The following DLGAP2 variants were observed in gnomAD, a reference collection of about 807,000 sequenced individuals.
The protein encoded by DLGAP2 is disks large-associated protein 2.
In DLGAP2, 26 loss-of-function variants were observed where a neutral mutation model predicts 100.3. That is an observed-to-expected ratio of 0.26 (90% CI 0.19 to 0.36). The LOEUF (loss-of-function observed/expected upper bound fraction) is 0.36. DLGAP2 is among the 10% of genes least tolerant of loss of function. DLGAP2 has a pLI of 1.00. For synonymous variants in DLGAP2, 886 were observed against 630.1 expected (o/e 1.41, Z -6.08); for missense variants, 1,858 against 1,453.2 (o/e 1.28, Z -4.53).
chr8:1,694,252 G>T (rs1017497850), intron 13 of DLGAP2, among the ~76,000 whole-genome samples: 1 of 152,180 alleles, frequency 6.6e-6, no homozygotes, highest in Non-Finnish European at 1.5e-5. Flanking sequence ...CCTGAGACAG[G>T]CCTGGCAGGA....
intron 8 of DLGAP2, among the ~76,000 whole-genome samples, chr8:1,663,944 A>T (rs922915105): frequency 1.3e-5 from 2 of 152,158 alleles, no homozygotes; most frequent in Non-Finnish European, 2.9e-5. Flanking sequence ...CAGAGCACTA[A>T]TGTGACCAGT....
intron 2 of DLGAP2, among the ~76,000 whole-genome samples, chr8:1,254,992 GTC>G (rs1216938287): frequency 1.9e-4 from 24 of 129,514 alleles, no homozygotes; most frequent in African/African-American, 7.2e-4. Context: ...CTGTGTGTGT[GTC>G]CTCTCATCCT....
At chr8:1,639,548 C>A (rs939043798) in intron 8 of DLGAP2, among the ~76,000 whole-genome samples, 2 of 152,220 alleles carry the variant, frequency 1.3e-5, no homozygotes, top group African/African-American at 2.4e-5. Flanking sequence ...TGTGGGTCCT[C>A]CCAGAGACGG....
At chr8:759,978 T>C (rs947491628) in intron 1 of DLGAP2, among the ~76,000 whole-genome samples, 1 of 152,194 alleles carries the variant, frequency 6.6e-6, no homozygotes, top group African/African-American at 2.4e-5. Flanking sequence ...ATTGTCAGGG[T>C]TGAGACCATT....
chr8:1,365,805 C>G (rs1205940274), intron 3 of DLGAP2, among the ~76,000 whole-genome samples: 1 of 152,226 alleles, frequency 6.6e-6, no homozygotes, highest in East Asian at 1.9e-4. Context: ...AGAGCTGTGC[C>G]ATGTCTCATG....
chr8:1,430,716 T>C (rs1020395149), intron 3 of DLGAP2, among the ~76,000 whole-genome samples: 5 of 152,364 alleles, frequency 3.3e-5, no homozygotes, highest in South Asian at 4.1e-4. Flanking sequence ...TTCTTTTCTA[T>C]CACAGTTTTC....
At chr8:1,372,553 A>C (rs1311611058) in intron 3 of DLGAP2, among the ~76,000 whole-genome samples, 1 of 151,988 alleles carries the variant, frequency 6.6e-6, no homozygotes, top group South Asian at 2.1e-4. Flanking sequence ...GGGTTTTAGG[A>C]GCATCACTGG....
At chr8:1,267,604 AAG>A (rs1491448906) in intron 3 of DLGAP2, among the ~76,000 whole-genome samples, 3 of 76,252 alleles carry the variant, frequency 3.9e-5, no homozygotes, top group African/African-American at 1.8e-4. Context: ...AAGATAAGAT[AAG>A]ATAAGATAAG....
At position 1,704,513 on chromosome 8, in the gene DLGAP2, GTGT is replaced by G. The variant is rs1215153493; in HGVS notation, c.*3114_*3116del. ...TGTGATGCGTCTCTCGCATCTTCAC[GTGT>G]TGTTGTGTTTGAAGTAAAACTAGTT... On this transcript the variant is annotated 3_prime_UTR_variant, in exon 15 of 15. Coordinates refer to ENST00000637795, the MANE Select transcript of DLGAP2 (RefSeq NM_001346810.2). The G allele has an allele frequency of 3.3e-5, 5 of 152,208 alleles. No homozygotes were observed. Among genetic ancestry groups the G allele is most frequent in the Admixed American group, 2.6e-4 (4 of 15,284 alleles). 9.4% of individuals were successfully genotyped at this position (152,208 alleles called of 1,614,324 possible).
chr8:1,314,926 G>C (rs571980651), intron 3 of DLGAP2, among the ~76,000 whole-genome samples: 1 of 152,168 alleles, frequency 6.6e-6, no homozygotes. Context: ...GCTCCCATGT[G>C]CCCTACCGGG....
intron 2 of DLGAP2, among the ~76,000 whole-genome samples, chr8:1,252,774 T>C (rs73670696): frequency 0.12 from 18,871 of 152,304 alleles, 3,175 homozygotes; most frequent in African/African-American, 0.38. Flanking sequence ...CGGCCGGATG[T>C]GGTGCCTCCA....
At chr8:1,680,446 A>C (rs879783151) in intron 12 of DLGAP2, 2 of 152,258 alleles carry the variant, frequency 1.3e-5, no homozygotes, top group Non-Finnish European at 2.9e-5. Context: ...GTTAAAACTT[A>C]AGGTCTGAAC....
chr8:913,780 A>G (rs536648249), intron 2 of DLGAP2, among the ~76,000 whole-genome samples: 2 of 152,256 alleles, frequency 1.3e-5, no homozygotes, highest in African/African-American at 2.4e-5. Context: ...ATGTGATACT[A>G]TATGACCCTG....
intron 3 of DLGAP2, among the ~76,000 whole-genome samples, chr8:1,460,677 G>A (rs1798448405): frequency 1.3e-5 from 2 of 152,126 alleles, no homozygotes; most frequent in Admixed American, 1.3e-4. Flanking sequence ...ATTAGATGGG[G>A]GTAACATTTT....
intron 2 of DLGAP2, among the ~76,000 whole-genome samples, chr8:1,163,292 G>A (rs1563223307): frequency 6.6e-6 from 1 of 152,196 alleles, no homozygotes; most frequent in East Asian, 1.9e-4. Context: ...ACTCCCAGAC[G>A]GGACCACGCG....
At chr8:1,200,802 G>C (rs985541885) in intron 2 of DLGAP2, among the ~76,000 whole-genome samples, 1 of 152,214 alleles carries the variant, frequency 6.6e-6, no homozygotes, top group Non-Finnish European at 1.5e-5. Context: ...AGAAGACTCT[G>C]AGAGAATGGA....
At chr8:1,654,142 T>G (rs1798229750) in intron 8 of DLGAP2, among the ~76,000 whole-genome samples, 1 of 152,126 alleles carries the variant, frequency 6.6e-6, no homozygotes, top group Non-Finnish European at 1.5e-5. Context: ...TGATACAACT[T>G]CAGTATAGAT....
intron 5 of DLGAP2, among the ~76,000 whole-genome samples, chr8:1,556,487 G>T (rs1420609306): frequency 1.3e-5 from 2 of 152,310 alleles, no homozygotes; most frequent in East Asian, 1.9e-4. Flanking sequence ...CCCTCCTAGG[G>T]CAGTGGATGC....
At chr8:1,175,911 C>T (rs892163198) in intron 2 of DLGAP2, among the ~76,000 whole-genome samples, 2 of 152,178 alleles carry the variant, frequency 1.3e-5, no homozygotes, top group African/African-American at 4.8e-5. Flanking sequence ...AGGTCGCATC[C>T]TCCCTCTCGG....
Sources: gnomAD v4.1 joint callset for allele counts (sites outside exome capture counted in the v4.1 genomes callset) on GRCh38, gnomAD v4.1.1 for gene constraint, MANE v1.5 for transcripts, NCBI Gene and HGNC (gene_info 2026-07-23, HGNC 2026-07-21) for gene names.